Variants in ACP3 observed in about 807,000 individuals in gnomAD.
ACP3 encodes the protein prostatic acid phosphatase.
ACP3 carries 38 observed loss-of-function variants against 45.6 expected under a neutral mutation model. The observed-to-expected ratio is 0.83, with a 90% CI of 0.64 to 1.09. ACP3 has a LOEUF of 1.09. Among genes scored for constraint, ACP3 ranks in the 50% least tolerant of loss-of-function variants. The probability of loss-of-function intolerance (pLI) is 0.00; values close to 1 mark genes in which losing one functional copy is unlikely to be tolerated. For synonymous variants in ACP3, 162 were observed against 164.7 expected (o/e 0.98, Z 0.13); for missense variants, 466 against 463.2 (o/e 1.01, Z -0.05).
intron 9 of ACP3, among the ~76,000 whole-genome samples, chr3:132,354,137 C>A (rs962475483): frequency 6.6e-6 from 1 of 152,192 alleles, no homozygotes. Flanking sequence ...ACAAGCCCGG[C>A]ACAAGTCTGC....
Position 132,337,523 on chromosome 3 carries a change from A to G in ACP3, c.524A>G (p.Glu175Gly). 3 of 1,610,820 alleles carry G rather than the reference A, an allele frequency of 1.9e-6. No homozygotes were observed. In the South Asian group the frequency reaches 3.3e-5, roughly 18 times the overall value. ...CTTGAGAGTGAGACTTTGAAATCAG[A>G]GGAATTCCAGAAGAGGCTGCACCCT... is the stretch of plus-strand genomic sequence containing the variant. ...QELESETLKS[E>G]EFQKRLHPYK... Residue 175 changes from glutamate (E) to glycine (G), a missense_variant, in exon 5 of 10, where the codon GAG (glutamate) becomes GGG (glycine). Physicochemically the swap from Glu to Gly is moderately conservative, Grantham distance 98 (BLOSUM62 -2). Coordinates refer to ENST00000336375, the MANE Select transcript of ACP3 (RefSeq NM_001099.5).
intron 1 of ACP3, among the ~76,000 whole-genome samples, chr3:132,321,123 C>G (rs140181564): frequency 5.0e-4 from 76 of 152,140 alleles, no homozygotes; most frequent in African/African-American, 1.8e-3. Context: ...TAGGATCACA[C>G]CATTGCACTC....
At chr3:132,346,151 G>A (rs1394214109) in intron 7 of ACP3, among the ~76,000 whole-genome samples, 4 of 152,176 alleles carry the variant, frequency 2.6e-5, no homozygotes, top group Admixed American at 2.6e-4. Context: ...TATTAGGGCT[G>A]GACCAGACTG....
At chr3:132,326,398 A>G (rs532218635) in intron 1 of ACP3, among the ~76,000 whole-genome samples, 1 of 152,284 alleles carries the variant, frequency 6.6e-6, no homozygotes, top group African/African-American at 2.4e-5. Flanking sequence ...TCAATGATTA[A>G]CCATAATCAT....
intron 4 of ACP3, among the ~76,000 whole-genome samples, chr3:132,335,529 G>A (rs924629648): frequency 6.6e-6 from 1 of 152,160 alleles, no homozygotes; most frequent in Non-Finnish European, 1.5e-5. Flanking sequence ...AAACAGACAC[G>A]ATCCTGGCTC....
At chr3:132,327,989 A>G (rs1425611351) in intron 1 of ACP3, among the ~76,000 whole-genome samples, 2 of 152,168 alleles carry the variant, frequency 1.3e-5, no homozygotes, top group East Asian at 3.9e-4. Flanking sequence ...CCTGAAACAC[A>G]GTGAAAGTGT....
intron 5 of ACP3, among the ~76,000 whole-genome samples, chr3:132,341,543 T>C (rs923857301): frequency 1.3e-5 from 2 of 152,216 alleles, no homozygotes; most frequent in Non-Finnish European, 2.9e-5. Flanking sequence ...TGCATTGATA[T>C]TTACAAGTGG....
chr3:132,359,336 C>T (rs375974044), downstream of ACP3, among the ~76,000 whole-genome samples: 1 of 152,056 alleles, frequency 6.6e-6, no homozygotes, highest in East Asian at 1.9e-4. Context: ...CACGGTGAAA[C>T]CCCATCTCTA....
At chr3:132,324,035 T>C (rs1937252888) in intron 1 of ACP3, among the ~76,000 whole-genome samples, 1 of 152,066 alleles carries the variant, frequency 6.6e-6, no homozygotes, top group Admixed American at 6.6e-5. Flanking sequence ...CTGGCCAACA[T>C]GGCGAAACCC....
rs992383372 is a variant in ACP3 at position 132,317,407 on chromosome 3, G to T, written c.-50G>T. 5.0e-6 allele frequency: 8 copies of T among 1,589,354 alleles called. No individual in the cohort carries two copies. Among genetic ancestry groups the T allele is most frequent in the Non-Finnish European group, 6.8e-6 (8 of 1,170,174 alleles). On this transcript the variant is annotated 5_prime_UTR_variant, in exon 1 of 10. Transcript: ENST00000336375. ...AATAGCTTCCCCTCTACAGGCTTTTGAAGTGGTAGCAGTTCCTCCTAACTC... is the reference window on the plus strand; with the variant it reads ...AATAGCTTCCCCTCTACAGGCTTTTTAAGTGGTAGCAGTTCCTCCTAACTC...
chr3:132,355,201 T>G (rs1937853597), intron 9 of ACP3, among the ~76,000 whole-genome samples: 1 of 152,208 alleles, frequency 6.6e-6, no homozygotes, highest in African/African-American at 2.4e-5. Flanking sequence ...CGTCAGCCTT[T>G]TAAAGGGGAC....
At chr3:132,339,650 AG>A (rs970857223) in intron 5 of ACP3, among the ~76,000 whole-genome samples, 1 of 152,206 alleles carries the variant, frequency 6.6e-6, no homozygotes, top group African/African-American at 2.4e-5. Context: ...TATAAGGAAA[AG>A]GTCAAGGAGC....
chr3:132,352,930 T>C, intron 9 of ACP3, 107 bp downstream of exon 9: 1 of 763,824 alleles, frequency 1.3e-6, no homozygotes. Context: ...TTTGGTTTTA[T>C]ATTCAGAGGG....
At chr3:132,334,487 C>A (rs544337758) in intron 4 of ACP3, among the ~76,000 whole-genome samples, 16 of 152,156 alleles carry the variant, frequency 1.1e-4, no homozygotes, top group African/African-American at 3.1e-4. Flanking sequence ...TATAAGATGG[C>A]GGGCAATAAT....
At chr3:132,331,600 C>G (rs1937399211) in intron 2 of ACP3, 47 bp from the exon 3 acceptor site, 1 of 1,445,040 alleles carries the variant, frequency 6.9e-7, no homozygotes, top group African/African-American at 1.5e-5. Context: ...TAGTGTGATT[C>G]ATAGAACTTA....
chr3:132,339,878 C>T (rs560742930), intron 5 of ACP3, among the ~76,000 whole-genome samples: 1 of 152,268 alleles, frequency 6.6e-6, no homozygotes, highest in African/African-American at 2.4e-5. Context: ...CGCTCTAATC[C>T]CGGCCTTGGC....
exon 11 of ACP3, chr3:132,367,963 A>G: frequency 1.5e-6 from 1 of 671,472 alleles, no homozygotes; most frequent in South Asian, 1.7e-5. Flanking sequence ...CAGGGTCTGA[A>G]CTCACAGTGA....
chr3:132,321,738 T>G (rs1937210022), intron 1 of ACP3, among the ~76,000 whole-genome samples: 1 of 152,142 alleles, frequency 6.6e-6, no homozygotes, highest in Non-Finnish European at 1.5e-5. Context: ...TGATTAGAAA[T>G]TAACAGAGGT....
At chr3:132,322,443 T>C (rs977199584) in intron 1 of ACP3, among the ~76,000 whole-genome samples, 1 of 152,228 alleles carries the variant, frequency 6.6e-6, no homozygotes, top group Non-Finnish European at 1.5e-5. Flanking sequence ...ATTTATTTCT[T>C]AGGTCCTAAA....
Sources: allele counts gnomAD v4.1 joint callset (sites outside exome capture counted in the v4.1 genomes callset), GRCh38; gene constraint gnomAD v4.1.1; transcripts MANE v1.5; gene names NCBI Gene and HGNC (gene_info 2026-07-23, HGNC 2026-07-21).